Variants in PIR observed in about 807,000 individuals in gnomAD.
PIR encodes pirin (iron-binding nuclear protein).
Under a neutral mutation model 24.2 loss-of-function variants are expected in PIR, and 22 were observed. The observed-to-expected ratio is 0.91, with a 90% CI of 0.65 to 1.30. The LOEUF (loss-of-function observed/expected upper bound fraction) is 1.30. Among genes scored for constraint, PIR ranks in the 50% most tolerant of loss-of-function variants. The pLI is 0.00. For missense variants in PIR, 220 were observed against 220.3 expected (o/e 1.00, Z 0.01); for synonymous variants, 80 against 79.6 (o/e 1.00, Z -0.03).
intron 4 of PIR, among the ~76,000 whole-genome samples, chrX:15,458,080 C>T (rs764748354): frequency 2.0e-4 from 22 of 112,561 alleles, no homozygotes; most frequent in African/African-American, 6.1e-4. Flanking sequence ...TGGTGTCCCT[C>T]AAAGACATCC....
At chrX:15,391,929 T>C (rs1341966510) in intron 8 of PIR, among the ~76,000 whole-genome samples, 1 of 111,866 alleles carries the variant, frequency 8.9e-6, no homozygotes, top group African/African-American at 3.2e-5. Flanking sequence ...GATTAACTGG[T>C]TGGTGACTTC....
intron 3 of PIR, among the ~76,000 whole-genome samples, chrX:15,466,004 C>CTTTTTTT (rs1281489150): frequency 1.8e-5 from 1 of 56,327 alleles, no homozygotes; most frequent in African/African-American, 8.6e-5. Flanking sequence ...AAAATGGTGG[C>CTTTTTTT]TGTTTTTTTT....
intron 5 of PIR, among the ~76,000 whole-genome samples, chrX:15,427,249 TG>T: frequency 9.0e-6 from 1 of 111,538 alleles, no homozygotes; most frequent in African/African-American, 3.3e-5. Flanking sequence ...AAGGGGCTTC[TG>T]GGGGCTGGTA....
At chrX:15,427,816 T>TAC (rs1263853695) in intron 5 of PIR, among the ~76,000 whole-genome samples, 1 of 109,665 alleles carries the variant, frequency 9.1e-6, no homozygotes, top group African/African-American at 3.4e-5. Context: ...CATACATATA[T>TAC]ACACACACAA....
chrX:15,443,287 C>T (rs894742979), intron 5 of PIR, among the ~76,000 whole-genome samples: 5 of 110,262 alleles, frequency 4.5e-5, no homozygotes, highest in African/African-American at 1.6e-4. Context: ...TTGAGCCCTA[C>T]TATTCAGAAA....
At chrX:15,445,708 T>C (rs930600434) in intron 5 of PIR, among the ~76,000 whole-genome samples, 4 of 110,539 alleles carry the variant, frequency 3.6e-5, no homozygotes, top group Middle Eastern at 4.4e-3. Flanking sequence ...TTAGATGGCA[T>C]CGTGAGAGCA....
At chrX:15,479,108 AG>A (rs753243221) in intron 3 of PIR, among the ~76,000 whole-genome samples, 1 of 112,291 alleles carries the variant, frequency 8.9e-6, no homozygotes, top group Non-Finnish European at 1.9e-5. Flanking sequence ...CTGAATATTA[AG>A]TGTTCAGTAG....
chrX:15,476,813 C>T (rs1449371107), intron 3 of PIR, among the ~76,000 whole-genome samples: 2 of 111,521 alleles, frequency 1.8e-5, no homozygotes, highest in South Asian at 3.7e-4. Flanking sequence ...TCAGAAAAGT[C>T]GAATAAATAC....
At chrX:15,423,624 A>C (rs976177965) in intron 6 of PIR, among the ~76,000 whole-genome samples, 2 of 110,869 alleles carry the variant, frequency 1.8e-5, no homozygotes, top group African/African-American at 3.3e-5. Flanking sequence ...TTAAAAAAAA[A>C]AATAGTGAAG....
At chrX:15,480,871 T>C (rs1922466417) in intron 2 of PIR, among the ~76,000 whole-genome samples, 1 of 112,503 alleles carries the variant, frequency 8.9e-6, no homozygotes, top group African/African-American at 3.2e-5. Flanking sequence ...CATCAGAGTT[T>C]GATATGATCA....
intron 3 of PIR, among the ~76,000 whole-genome samples, chrX:15,476,203 G>A (rs1358435297): frequency 4.5e-5 from 5 of 112,083 alleles, no homozygotes; most frequent in Middle Eastern, 4.6e-3. Context: ...GAATTTTATA[G>A]AATAATATTT....
intron 8 of PIR, among the ~76,000 whole-genome samples, chrX:15,395,811 T>C (rs1001675024): frequency 9.8e-5 from 11 of 112,517 alleles, no homozygotes; most frequent in African/African-American, 3.2e-4. Context: ...AATTTTTTCA[T>C]AGAAATCTTT....
chrX:15,483,449 C>T (rs186738867), intron 2 of PIR, among the ~76,000 whole-genome samples: 140 of 111,251 alleles, frequency 1.3e-3, no homozygotes, highest in African/African-American at 4.4e-3. Flanking sequence ...ATTCCATTTT[C>T]TCTCACTCTA....
At chrX:15,433,700 G>A (rs1925610572) in intron 5 of PIR, among the ~76,000 whole-genome samples, 2 of 68,176 alleles carry the variant, frequency 2.9e-5, no homozygotes, top group Non-Finnish European at 5.6e-5. Context: ...GGAGGAGGAG[G>A]AAGGAGAAAG....
intron 2 of PIR, among the ~76,000 whole-genome samples, chrX:15,484,318 T>TTTC (rs1922685709): frequency 1.1e-5 from 1 of 92,991 alleles, no homozygotes; most frequent in Non-Finnish European, 2.2e-5. Context: ...TTTTTTTTTT[T>TTTC]TTTTTTTTTT....
intron 3 of PIR, among the ~76,000 whole-genome samples, chrX:15,478,025 C>G (rs1329876369): frequency 3.0e-5 from 3 of 101,174 alleles, no homozygotes; most frequent in Admixed American, 1.1e-4. Context: ...CCCCCCCCCC[C>G]AGAAAGCATT....
At chrX:15,488,278 CAA>C (rs1184870069) in intron 2 of PIR, among the ~76,000 whole-genome samples, 1 of 31,918 alleles carries the variant, frequency 3.1e-5, no homozygotes, top group African/African-American at 9.5e-5. Flanking sequence ...AACTCCGTCT[CAA>C]AAAAAAAAAA....
chrX:15,472,203 A>C (rs1464318171), intron 3 of PIR, among the ~76,000 whole-genome samples: 1 of 112,239 alleles, frequency 8.9e-6, no homozygotes, highest in Non-Finnish European at 1.9e-5. Context: ...GAAAACATGA[A>C]TTTCTTAAAT....
chrX:15,465,088 C>G (rs1921493033), intron 3 of PIR, among the ~76,000 whole-genome samples: 1 of 111,553 alleles, frequency 9.0e-6, no homozygotes, highest in African/African-American at 3.3e-5. Flanking sequence ...ATTCAGGAAA[C>G]AGTTATCCCC....
Sources: allele counts gnomAD v4.1 joint callset (sites outside exome capture counted in the v4.1 genomes callset), GRCh38; gene constraint gnomAD v4.1.1; transcripts MANE v1.5; gene names NCBI Gene and HGNC (gene_info 2026-07-23, HGNC 2026-07-21).